The following EVA1A variants were observed in gnomAD, a reference collection of about 807,000 sequenced individuals.
The protein encoded by EVA1A is protein eva-1 homolog A.
A neutral mutation model predicts 9.8 loss-of-function variants in EVA1A; 7 were observed. That is an observed-to-expected ratio of 0.71 (90% CI 0.41 to 1.34). The LOEUF (loss-of-function observed/expected upper bound fraction) is 1.34, where lower values mean the gene tolerates loss of function less well. EVA1A is among the 40% of genes most tolerant of loss of function. EVA1A has a pLI of 0.01. For missense variants in EVA1A, 206 were observed against 205.9 expected (o/e 1.00, Z 0.00); for synonymous variants, 90 against 85.6 (o/e 1.05, Z -0.28).
intron 1 of EVA1A, among the ~76,000 whole-genome samples, chr2:75,557,499 C>T (rs1676757357): frequency 6.6e-6 from 1 of 152,234 alleles, no homozygotes; most frequent in South Asian, 2.1e-4. Flanking sequence ...TAATGTGGGA[C>T]ACTCAGCTGG....
intron 1 of EVA1A, among the ~76,000 whole-genome samples, chr2:75,544,470 G>A (rs1178888318): frequency 6.6e-6 from 1 of 152,110 alleles, no homozygotes; most frequent in Non-Finnish European, 1.5e-5. Flanking sequence ...CAGTAATGCA[G>A]GGCCATTCTA....
chr2:75,569,426 C>CCCT (rs1677083682), intron 1 of EVA1A: 1 of 152,668 alleles, frequency 6.6e-6, no homozygotes, highest in African/African-American at 2.4e-5. Context: ...TCTTCACACC[C>CCCT]CCTCCTCCTT....
upstream of EVA1A, among the ~76,000 whole-genome samples, chr2:75,565,205 A>T (rs6719580): frequency 0.021 from 3,189 of 152,342 alleles, 109 homozygotes; most frequent in African/African-American, 0.073. Flanking sequence ...CTCAGCTCTC[A>T]GCTGGGGCAT....
intron 3 of EVA1A, among the ~76,000 whole-genome samples, chr2:75,505,168 A>G (rs1558672708): frequency 2.0e-5 from 3 of 152,100 alleles, no homozygotes; most frequent in Non-Finnish European, 4.4e-5. Flanking sequence ...CAGCATTACC[A>G]CTGCTGAAAT....
chr2:75,532,269 A>G (rs189278711), intron 1 of EVA1A, among the ~76,000 whole-genome samples: 1 of 152,044 alleles, frequency 6.6e-6, no homozygotes, highest in East Asian at 1.9e-4. Flanking sequence ...AAAGGACAGG[A>G]CACTTGGCGT....
intron 2 of EVA1A, among the ~76,000 whole-genome samples, 179 bp downstream of exon 2, chr2:75,522,186 G>A (rs561807977): frequency 6.6e-6 from 1 of 152,298 alleles, no homozygotes; most frequent in African/African-American, 2.4e-5. Flanking sequence ...GCAAAGGAAA[G>A]ACCTATTGCA....
intron 1 of EVA1A, among the ~76,000 whole-genome samples, chr2:75,542,997 A>C (rs1196885027): frequency 6.6e-6 from 1 of 152,198 alleles, no homozygotes; most frequent in Admixed American, 6.5e-5. Context: ...ACCACAGGGA[A>C]CATTAGCCTG....
chr2:75,534,273 T>C (rs1476768923), intron 1 of EVA1A, among the ~76,000 whole-genome samples: 2 of 151,912 alleles, frequency 1.3e-5, no homozygotes, highest in African/African-American at 4.8e-5. Flanking sequence ...AATGAAAAAT[T>C]AATGTATGTA....
intron 1 of EVA1A, among the ~76,000 whole-genome samples, chr2:75,552,817 T>C (rs1676571300): frequency 2.0e-5 from 3 of 152,192 alleles, no homozygotes; most frequent in African/African-American, 7.2e-5. Context: ...CTGAGATGTA[T>C]CTGACTCCAA....
chr2:75,495,925 A>C (rs964781100), intron 3 of EVA1A, among the ~76,000 whole-genome samples: 2 of 152,192 alleles, frequency 1.3e-5, no homozygotes, highest in African/African-American at 4.8e-5. Context: ...AAAAGGCAGA[A>C]GCAAAAAGAG....
intron 1 of EVA1A, among the ~76,000 whole-genome samples, chr2:75,531,453 G>A (rs2103893712): frequency 6.6e-6 from 1 of 152,242 alleles, no homozygotes; most frequent in East Asian, 1.9e-4. Flanking sequence ...GCACATGAAT[G>A]TTTGTAGCAG....
chr2:75,559,624 G>A (rs1253843596), intron 1 of EVA1A, among the ~76,000 whole-genome samples: 1 of 144,912 alleles, frequency 6.9e-6, no homozygotes, highest in African/African-American at 2.5e-5. Context: ...TAAGTAGTTT[G>A]GGTTTGAATA....
chr2:75,562,709 C>G (rs1315327502), upstream of EVA1A, among the ~76,000 whole-genome samples: 1 of 152,194 alleles, frequency 6.6e-6, no homozygotes, highest in South Asian at 2.1e-4. Flanking sequence ...CAGAGCTCCC[C>G]CTAACTCTCC....
At chr2:75,523,955 G>A (rs1451453630) in intron 1 of EVA1A, 1 of 150,626 alleles carries the variant, frequency 6.6e-6, no homozygotes, top group African/African-American at 2.4e-5. Flanking sequence ...GACCCAGCTG[G>A]GGGGTAATTG....
intron 3 of EVA1A, among the ~76,000 whole-genome samples, chr2:75,505,817 A>T (rs1010031323): frequency 6.6e-6 from 1 of 152,134 alleles, no homozygotes; most frequent in African/African-American, 2.4e-5. Context: ...CTCAGAAAAA[A>T]AAAAGGGTAG....
At chr2:75,518,316 G>A in intron 2 of EVA1A, 108 bp from the exon 3 acceptor site, 1 of 1,207,262 alleles carries the variant, frequency 8.3e-7, no homozygotes, top group East Asian at 2.7e-5. Context: ...CTGATTTGCA[G>A]GTGTCCTTTG....
intron 3 of EVA1A, 100 bp downstream of exon 3, chr2:75,517,956 G>GT (rs2103845150): frequency 7.4e-7 from 1 of 1,357,438 alleles, no homozygotes; most frequent in South Asian, 1.2e-5. Flanking sequence ...ATTACGTAGT[G>GT]TGTCTTTACT....
At chr2:75,534,960 A>G (rs1276205023) in intron 1 of EVA1A, among the ~76,000 whole-genome samples, 1 of 152,188 alleles carries the variant, frequency 6.6e-6, no homozygotes, top group Non-Finnish European at 1.5e-5. Context: ...TAATTCTTCT[A>G]CATGTGACTA....
chr2:75,535,569 T>C (rs1675853089), intron 1 of EVA1A, among the ~76,000 whole-genome samples: 1 of 152,236 alleles, frequency 6.6e-6, no homozygotes, highest in African/African-American at 2.4e-5. Flanking sequence ...AAAGAAAATG[T>C]GATGTGTATG....
Sources: gnomAD v4.1 joint callset for allele counts (sites outside exome capture counted in the v4.1 genomes callset) on GRCh38, gnomAD v4.1.1 for gene constraint, MANE v1.5 for transcripts, NCBI Gene and HGNC (gene_info 2026-07-23, HGNC 2026-07-21) for gene names.